The following PLEKHF2 variants were observed in gnomAD, a reference collection of about 807,000 sequenced individuals.
PLEKHF2 encodes pleckstrin homology and FYVE domain containing 2.
Under a neutral mutation model 14.7 loss-of-function variants are expected in PLEKHF2, and 4 were observed. The observed-to-expected ratio is 0.27, with a 90% CI of 0.13 to 0.62. The LOEUF (loss-of-function observed/expected upper bound fraction) is 0.62. Ranked by LOEUF, PLEKHF2 falls within the 20% of genes least tolerant of loss-of-function variation. PLEKHF2 has a pLI of 0.85. For missense variants in PLEKHF2, 201 were observed against 307.7 expected (o/e 0.65, Z 2.60); for synonymous variants, 90 against 103.5 (o/e 0.87, Z 0.79).
intron 1 of PLEKHF2, among the ~76,000 whole-genome samples, chr8:95,137,756 A>C (rs1190615075): frequency 6.6e-6 from 1 of 152,124 alleles, no homozygotes; most frequent in East Asian, 1.9e-4. Context: ...ACTACACTTC[A>C]CTAACTCCGG....
intron 1 of PLEKHF2, among the ~76,000 whole-genome samples, chr8:95,151,277 G>C (rs1244884589): frequency 6.6e-6 from 1 of 151,924 alleles, no homozygotes; most frequent in East Asian, 1.9e-4. Context: ...TAGGAAATCT[G>C]TTTGTGTTGT....
rs1212532291 is a variant in PLEKHF2 at position 95,133,983 on chromosome 8, G to C, written c.-62G>C. The C allele has an allele frequency of 1.3e-5, 2 of 152,890 alleles. No homozygotes were observed. 9.5% of individuals were successfully genotyped at this position (152,890 alleles called of 1,614,324 possible). The stretch of plus-strand genomic sequence containing the variant: ...CCCTGCGTCCGCGACCAGGAGGATC[G>C]GACCTTCGCCTTCGCTGTCGCCGCC... On this transcript the variant is annotated 5_prime_UTR_variant, in exon 1 of 2. Coordinates refer to ENST00000315367, the MANE Select transcript of PLEKHF2 (RefSeq NM_024613.4).
chr8:95,143,674 T>C (rs1277183733), intron 1 of PLEKHF2, among the ~76,000 whole-genome samples: 1 of 152,184 alleles, frequency 6.6e-6, no homozygotes, highest in East Asian at 1.9e-4. Context: ...GCCCAGAGCA[T>C]ATTCTGGTAA....
At chr8:95,153,328 T>A (rs1244065358) in intron 1 of PLEKHF2, among the ~76,000 whole-genome samples, 1 of 152,116 alleles carries the variant, frequency 6.6e-6, no homozygotes, top group Non-Finnish European at 1.5e-5. Flanking sequence ...GGAACAACAG[T>A]GAAATGGACT....
chr8:95,136,218 A>G (rs1810374335), intron 1 of PLEKHF2, among the ~76,000 whole-genome samples: 2 of 152,076 alleles, frequency 1.3e-5, no homozygotes, highest in Non-Finnish European at 1.5e-5. Flanking sequence ...ATGCTTCATG[A>G]ATTTCTTTTG....
At chr8:95,143,910 C>G (rs1810463914) in intron 1 of PLEKHF2, among the ~76,000 whole-genome samples, 2 of 152,182 alleles carry the variant, frequency 1.3e-5, no homozygotes, top group South Asian at 4.1e-4. Flanking sequence ...TGATTTGAAT[C>G]AAACTTGTCC....
chr8:95,147,523 A>G (rs1810512424), intron 1 of PLEKHF2, among the ~76,000 whole-genome samples: 1 of 152,040 alleles, frequency 6.6e-6, no homozygotes, highest in Admixed American at 6.5e-5. Context: ...TGCAGTTACC[A>G]TATGGTTTCA....
At chr8:95,137,289 C>G (rs1179050986) in intron 1 of PLEKHF2, among the ~76,000 whole-genome samples, 1 of 152,184 alleles carries the variant, frequency 6.6e-6, no homozygotes, top group African/African-American at 2.4e-5. Flanking sequence ...AACAAATGAA[C>G]AGAGTGGCAG....
intron 1 of PLEKHF2, among the ~76,000 whole-genome samples, chr8:95,136,758 C>T (rs1810380645): frequency 6.6e-6 from 1 of 152,048 alleles, no homozygotes; most frequent in African/African-American, 2.4e-5. Flanking sequence ...TTTGATGAAC[C>T]AGCTTTGTAC....
chr8:95,146,206 TTTC>T (rs1486587064), intron 1 of PLEKHF2, among the ~76,000 whole-genome samples: 4 of 148,782 alleles, frequency 2.7e-5, no homozygotes, highest in Non-Finnish European at 1.5e-5. Flanking sequence ...TTATTTATGT[TTTC>T]TTCTTTAAAA....
rs1563884704 is a variant in PLEKHF2, at chr8:95,154,007, ATTTCT to A, written c.-14-20_-14-16del. Reference sequence around the variant, plus strand: ...AGGAATTTATAATTTATATGTGCTAATTTCTTTTTCTTTTTTTTAAAAGGCTATTA... The same window carrying A: ...AGGAATTTATAATTTATATGTGCTAATTTTCTTTTTTTTAAAAGGCTATTA... On this transcript the variant is annotated intron_variant, in intron 1 of 1. Transcript: ENST00000315367. This position sits in a 1 kb window ranked among gnomAD's most constrained non-coding sequence, Gnocchi z 5.6. The A allele has an allele frequency of 6.8e-7, 1 of 1,468,240 alleles. No homozygotes were observed. Among genetic ancestry groups the A allele is most frequent in the African/African-American group, 1.4e-5 (1 of 70,934 alleles). The allele number at this position is 1,468,240 out of a possible 1,614,324, so 91.0% of individuals were successfully genotyped here. A position where few individuals can be genotyped will look rare whatever the true frequency, so the allele number is the denominator to read the frequency against.
intron 1 of PLEKHF2, among the ~76,000 whole-genome samples, chr8:95,141,705 GTT>G (rs111907566): frequency 1.4e-4 from 19 of 131,656 alleles, no homozygotes; most frequent in South Asian, 2.5e-4. Flanking sequence ...TTTGTGTTTT[GTT>G]TTTTTTTTTT....
chr8:95,136,970 G>A (rs1346454697), intron 1 of PLEKHF2, among the ~76,000 whole-genome samples: 3 of 152,174 alleles, frequency 2.0e-5, no homozygotes, highest in Non-Finnish European at 2.9e-5. Context: ...CTGTCAAACT[G>A]TAAACCACAA....
intron 1 of PLEKHF2, among the ~76,000 whole-genome samples, chr8:95,145,160 G>A (rs545539226): frequency 2.0e-5 from 3 of 152,108 alleles, no homozygotes; most frequent in Admixed American, 1.3e-4. Flanking sequence ...AAAAAAAACT[G>A]ACCTCTCTCT....
chr8:95,152,993 A>T (rs1810578872), intron 1 of PLEKHF2, among the ~76,000 whole-genome samples: 1 of 152,168 alleles, frequency 6.6e-6, no homozygotes, highest in African/African-American at 2.4e-5. Flanking sequence ...GGACTTAGAG[A>T]TTAAATGTTT....
chr8:95,150,350 C>A (rs1272622370), intron 1 of PLEKHF2, among the ~76,000 whole-genome samples: 1 of 152,060 alleles, frequency 6.6e-6, no homozygotes, highest in Non-Finnish European at 1.5e-5. Flanking sequence ...TTTGTGCATG[C>A]CCATAGTTTT....
At chr8:95,153,355 TC>T (rs1353735309) in intron 1 of PLEKHF2, among the ~76,000 whole-genome samples, 2 of 152,146 alleles carry the variant, frequency 1.3e-5, no homozygotes, top group Non-Finnish European at 2.9e-5. Flanking sequence ...AGTAGAGTGT[TC>T]TTAGAATATG....
chr8:95,145,855 A>C (rs1384192095), intron 1 of PLEKHF2, among the ~76,000 whole-genome samples: 1 of 152,228 alleles, frequency 6.6e-6, no homozygotes, highest in Admixed American at 6.5e-5. Context: ...TGCAGATGGT[A>C]GGTACTCAGA....
intron 1 of PLEKHF2, among the ~76,000 whole-genome samples, chr8:95,144,721 G>A (rs774069354): frequency 1.1e-4 from 16 of 152,130 alleles, no homozygotes; most frequent in African/African-American, 9.6e-5. Context: ...ACAAAAATTA[G>A]CAGGATGTGG....
Sources: allele counts gnomAD v4.1 joint callset (sites outside exome capture counted in the v4.1 genomes callset), GRCh38; gene constraint gnomAD v4.1.1; non-coding constraint Gnocchi (gnomAD v3.1); transcripts MANE v1.5; gene names NCBI Gene and HGNC (gene_info 2026-07-23, HGNC 2026-07-21).